Variants in TOR1A observed in about 807,000 individuals in gnomAD.
TOR1A encodes the protein torsin family 1 member A.
TOR1A carries 18 observed loss-of-function variants against 31.4 expected under a neutral mutation model. The observed-to-expected ratio is 0.57, with a 90% CI of 0.40 to 0.85. The LOEUF is 0.85. Ranked by LOEUF, TOR1A falls within the 40% of genes least tolerant of loss-of-function variation. The pLI is 0.00. For missense variants in TOR1A, 375 were observed against 416.4 expected (o/e 0.90, Z 0.87); for synonymous variants, 168 against 165.9 (o/e 1.01, Z -0.10).
chr9:129,820,647 G>A (rs2031161980), intron 2 of TOR1A, among the ~76,000 whole-genome samples: 1 of 151,912 alleles, frequency 6.6e-6, no homozygotes, highest in South Asian at 2.1e-4. Context: ...CACCCAGGCT[G>A]GACTGCAGTG....
chr9:129,817,718 C>T (rs2031075034), intron 4 of TOR1A, among the ~76,000 whole-genome samples: 1 of 146,098 alleles, frequency 6.8e-6, no homozygotes. Flanking sequence ...AAAAAAACAG[C>T]AGGCCAGGTA....
intron 2 of TOR1A, chr9:129,821,808 C>CGATT (rs1280626628): frequency 2.7e-5 from 4 of 149,906 alleles, no homozygotes; most frequent in Admixed American, 1.3e-4. Context: ...GCAGGAGAAT[C>CGATT]GCTTGAACCG....
chr9:129,822,473 T>C (rs2031207535), intron 2 of TOR1A, 108 bp downstream of exon 2: 1 of 1,472,266 alleles, frequency 6.8e-7, no homozygotes. Context: ...ACATGAACCG[T>C]TTTCCGGGCT....
chr9:129,824,080 C>A lies in TOR1A; in HGVS notation c.6G>T (p.Lys2Asn). The change falls in exon 1 of 5, where the codon AAG becomes AAT. Residue 2 changes from lysine (K) to asparagine (N), a missense_variant. By Grantham distance (94) the Lys-to-Asn change is moderately conservative (BLOSUM62 0). Transcript: ENST00000351698. ...GCAGGCCCAGCACGGCCCGGCCCAG[C>A]TTCATGCCCGGACCCGCGCCACCCT... M[K>N]LGRAVLGLLL... 12 of 1,582,208 alleles carry A rather than the reference C, an allele frequency of 7.6e-6. No homozygotes were observed. The highest frequency in any genetic ancestry group is 1.3e-5 in the African/African-American group (1 of 74,540).
chr9:129,817,838 CAAAAAAAAAAAAAA>C (rs760010551), intron 4 of TOR1A, among the ~76,000 whole-genome samples: 5 of 45,736 alleles, frequency 1.1e-4, no homozygotes, highest in South Asian at 7.1e-4. Context: ...CAGTCTCTAC[CAAAAAAAAAAAAAA>C]AAAAAAAAAA....
Position 129,818,860 on chromosome 9 carries a change from A to C in TOR1A, c.505T>G (p.Phe169Val). The C allele has an allele frequency of 6.2e-7, 1 of 1,614,036 alleles. No individual in the cohort carries two copies. The highest frequency in any genetic ancestry group is 8.5e-7 in the Non-Finnish European group (1 of 1,180,036). The change falls in exon 3 of 5, where the codon TTT becomes GTT. Residue 169 changes from phenylalanine (F) to valine (V), a missense_variant. Physicochemically the swap from Phe to Val is conservative, Grantham distance 50. Transcript: ENST00000351698. The part of the protein sequence containing the change: ...VSACARSIFI[F>V]DEMDKMHAGL... ...GCATGCATCTTATCCATTTCATCAA[A>C]TATGAAGATGGACCTCGCACAGGCA... is the stretch of plus-strand genomic sequence containing the variant.
At chr9:129,816,381 A>G (rs1197357276) in intron 4 of TOR1A, among the ~76,000 whole-genome samples, 1 of 152,192 alleles carries the variant, frequency 6.6e-6, no homozygotes, top group East Asian at 1.9e-4. Flanking sequence ...AAAGATATCT[A>G]TATGTCCACA....
At chr9:129,823,390 G>A (rs1588218762) in intron 1 of TOR1A, 3 of 270,322 alleles carry the variant, frequency 1.1e-5, no homozygotes, top group East Asian at 1.0e-4. Flanking sequence ...CCTGCAGGCC[G>A]GCCGCTTGGC....
rs1335272170 is a variant in TOR1A, at chr9:129,818,348, G to C, written c.748+172C>G. ...TTGTCAAACATTAGTGTTCATAAAAGTTACCTGGAGTTCATCAGCAAAGAT... is the reference window on the plus strand; with the variant it reads ...TTGTCAAACATTAGTGTTCATAAAACTTACCTGGAGTTCATCAGCAAAGAT... On this transcript the variant is annotated intron_variant, in intron 4 of 4. Coordinates refer to ENST00000351698, the MANE Select transcript of TOR1A (RefSeq NM_000113.3). 6 of 978,264 alleles carry C rather than the reference G, an allele frequency of 6.1e-6. No homozygotes were observed. In the East Asian group the frequency reaches 1.2e-4, roughly 20 times the overall value. 60.6% of individuals were successfully genotyped at this position (978,264 alleles called of 1,614,324 possible).
In TOR1A at chr9:129,813,693, A is replaced by C; in HGVS notation, c.*279T>G. On this transcript the variant is annotated 3_prime_UTR_variant, in exon 5 of 5. Coordinates refer to ENST00000351698, the MANE Select transcript of TOR1A (RefSeq NM_000113.3). ...ACAGAAACACTTGGAATTAAAACAT[A>C]ATTTGTAAAAAATCATGAGCCCTGC... The C allele has an allele frequency of 1.9e-6, 1 of 529,988 alleles. No individual in the cohort carries two copies. Among genetic ancestry groups the C allele is most frequent in the Non-Finnish European group, 3.4e-6 (1 of 295,276 alleles). The allele number at this position is 529,988 out of a possible 1,614,324, so 32.8% of individuals were successfully genotyped here.
At position 129,823,922 on chromosome 9, in the gene TOR1A, C is replaced by A. The variant is rs1194924269; in HGVS notation, c.164G>T (p.Ser55Ile). ...LFAECCGQKRSLSREALQKDL... is the reference protein window; with the variant it reads ...LFAECCGQKRILSREALQKDL... ...CCCCAGCCTACCCTCCCGGCTAAGGCTCCGCTTCTGCCCGCAGCACTCGGC... is the reference window on the plus strand; with the variant it reads ...CCCCAGCCTACCCTCCCGGCTAAGGATCCGCTTCTGCCCGCAGCACTCGGC... Residue 55 changes from serine to isoleucine, a missense_variant, in exon 1 of 5, where the codon AGC (serine) becomes ATC (isoleucine). By Grantham distance (142) the Ser-to-Ile change is moderately radical. Coordinates refer to ENST00000351698, the MANE Select transcript of TOR1A (RefSeq NM_000113.3). 1.2e-6 allele frequency: 2 copies of A among 1,600,666 alleles called. No individual in the cohort carries two copies. The highest frequency in any genetic ancestry group is 1.7e-6 in the Non-Finnish European group (2 of 1,175,084).
chr9:129,817,508 G>A (rs2031068988), intron 4 of TOR1A, among the ~76,000 whole-genome samples: 1 of 151,684 alleles, frequency 6.6e-6, no homozygotes, highest in African/African-American at 2.4e-5. Flanking sequence ...GACCATCCTG[G>A]CTAACATGGT....
rs1564181683 is a variant in TOR1A, at chr9:129,813,477, T to C, written c.*495A>G. The stretch of plus-strand genomic sequence containing the variant: ...CAGGGATGCCCTCCTGTGGAACAAA[T>C]GCCATGCATGTGTGCTTGGGCTCAT... On this transcript the variant is annotated 3_prime_UTR_variant, in exon 5 of 5. Coordinates refer to ENST00000351698, the MANE Select transcript of TOR1A (RefSeq NM_000113.3). 1 of 250,650 alleles carries C rather than the reference T, an allele frequency of 4.0e-6. No homozygotes were observed. The highest frequency in any genetic ancestry group is 2.3e-5 in the African/African-American group (1 of 43,290). The allele number at this position is 250,650 out of a possible 1,614,324, so 15.5% of individuals were successfully genotyped here.
rs1185782277 is a variant in TOR1A, at chr9:129,822,857, C to G, written c.179-11G>C. ...GATCCTTCTGCAGTGCTGGGAAAGA[C>G]AAAGCCAATCAGGAGTGGGGAAGAA... is the stretch of plus-strand genomic sequence containing the variant. On this transcript the variant is annotated splice_polypyrimidine_tract_variant and intron_variant, in intron 1 of 4. Transcript: ENST00000351698. The G allele has an allele frequency of 1.9e-6, 3 of 1,614,054 alleles. No homozygotes were observed. The highest frequency in any genetic ancestry group is 2.5e-6 in the Non-Finnish European group (3 of 1,180,028).
intron 2 of TOR1A, among the ~76,000 whole-genome samples, chr9:129,819,229 C>T (rs866309030): frequency 3.3e-5 from 5 of 152,162 alleles, no homozygotes; most frequent in Admixed American, 1.3e-4. Context: ...TTACGGTTCC[C>T]GCACTGCGAG....
intron 1 of TOR1A, chr9:129,823,255 G>A (rs992162654): frequency 5.9e-6 from 2 of 336,852 alleles, no homozygotes; most frequent in Non-Finnish European, 5.7e-6. Context: ...AACCCACTTC[G>A]GAGGGAGGTT....
chr9:129,818,828 G>A lies in TOR1A; in HGVS notation c.537C>T (p.Leu179=), dbSNP rs773307849. The A allele has an allele frequency of 1.2e-6, 2 of 1,613,902 alleles. No homozygotes were observed. The highest frequency in any genetic ancestry group is 1.7e-6 in the Non-Finnish European group (2 of 1,180,044). The stretch of plus-strand genomic sequence containing the variant: ...CGAGGAAAGGCTTGATGGCATCTAT[G>A]AGGCCTGCATGCATCTTATCCATTT... ...FDEMDKMHAG[L]IDAIKPFLDY... The change falls in exon 3 of 5, where the codon CTC becomes CTT. Residue 179 remains leucine (L), a synonymous_variant. Transcript: ENST00000351698.
At position 129,813,742 on chromosome 9, in the gene TOR1A, C is replaced by T; in HGVS notation, c.*230G>A. On this transcript the variant is annotated 3_prime_UTR_variant, in exon 5 of 5. Transcript: ENST00000351698. ...GCGATGAGTGGGCTGGGAGCTGGCT[C>T]CTTCCTTCTGTGCGTGTTCGGGAGG... 1 of 614,416 alleles carries T rather than the reference C, an allele frequency of 1.6e-6. No homozygotes were observed. The highest frequency in any genetic ancestry group is 2.8e-5 in the East Asian group (1 of 35,884). The allele number at this position is 614,416 out of a possible 1,614,324, so 38.1% of individuals were successfully genotyped here. A position where few individuals can be genotyped will look rare whatever the true frequency, so the allele number is the denominator to read the frequency against.
rs1402408997 is a variant in TOR1A at position 129,813,408 on chromosome 9, G to A, written c.*564C>T. ...TCACTGCCCCTGGCAGCATCCGCTG[G>A]GACCATCCTGGGACAGAGCTGGCTC... On this transcript the variant is annotated 3_prime_UTR_variant, in exon 5 of 5. Transcript: ENST00000351698. 5.3e-5 allele frequency: 10 copies of A among 187,804 alleles called. No individual in the cohort carries two copies. Among genetic ancestry groups the A allele is most frequent in the Non-Finnish European group, 7.8e-5 (7 of 89,850 alleles). The allele number at this position is 187,804 out of a possible 1,614,324, so 11.6% of individuals were successfully genotyped here.
Sources: gnomAD v4.1 joint callset for allele counts (sites outside exome capture counted in the v4.1 genomes callset) on GRCh38, gnomAD v4.1.1 for gene constraint, MANE v1.5 for transcripts, NCBI Gene and HGNC (gene_info 2026-07-23, HGNC 2026-07-21) for gene names.